Variants in KIFAP3 observed in about 807,000 individuals in gnomAD.
The protein encoded by KIFAP3 is kinesin associated protein 3, also known as kinesin-associated protein 3.
In KIFAP3, 68 loss-of-function variants were observed where a neutral mutation model predicts 106.5. The ratio of observed to expected loss-of-function variants is 0.64; its 90% CI spans 0.53 to 0.78. The LOEUF is 0.78. KIFAP3 is among the 30% of genes least tolerant of loss of function. The pLI, the probability that KIFAP3 is intolerant of heterozygous loss-of-function variation, is 0.00. For synonymous variants in KIFAP3, 320 were observed against 311.5 expected (o/e 1.03, Z -0.29); for missense variants, 780 against 941.8 (o/e 0.83, Z 2.25).
At chr1:170,005,029 C>T (rs1176576425) in intron 10 of KIFAP3, among the ~76,000 whole-genome samples, 1 of 152,074 alleles carries the variant, frequency 6.6e-6, no homozygotes, top group Non-Finnish European at 1.5e-5. Context: ...CAAACAACCC[C>T]ATCAAAAAGT....
chr1:169,980,831 G>A (rs1666477274), intron 15 of KIFAP3, among the ~76,000 whole-genome samples: 1 of 152,218 alleles, frequency 6.6e-6, no homozygotes, highest in African/African-American at 2.4e-5. Context: ...GCCGGGCACA[G>A]TGGCTCACGC....
intron 1 of KIFAP3, among the ~76,000 whole-genome samples, chr1:170,081,848 C>CT (rs1200058550): frequency 2.0e-5 from 3 of 151,946 alleles, no homozygotes; most frequent in Non-Finnish European, 2.9e-5. Context: ...ATGTGAGCAC[C>CT]TTTTTTTGTG....
At chr1:170,015,076 A>G (rs1668437720) in intron 10 of KIFAP3, among the ~76,000 whole-genome samples, 1 of 152,332 alleles carries the variant, frequency 6.6e-6, no homozygotes, top group African/African-American at 2.4e-5. Context: ...TACATTGGAT[A>G]TTATGTCTTA....
At chr1:169,940,341 T>C (rs1664041096) in intron 19 of KIFAP3, among the ~76,000 whole-genome samples, 1 of 152,180 alleles carries the variant, frequency 6.6e-6, no homozygotes. Context: ...TCACTAAATA[T>C]ATTTCAATAA....
chr1:169,932,638 T>C (rs1368515268), intron 19 of KIFAP3, among the ~76,000 whole-genome samples: 2 of 151,360 alleles, frequency 1.3e-5, no homozygotes, highest in Admixed American at 6.6e-5. Flanking sequence ...CCCACGGACA[T>C]AATACTAGTC....
chr1:170,063,601 A>G (rs1671290404), intron 1 of KIFAP3, among the ~76,000 whole-genome samples: 2 of 152,144 alleles, frequency 1.3e-5, no homozygotes, highest in Admixed American at 6.5e-5. Context: ...CTACTGCAAT[A>G]CCGCTGTCAC....
chr1:169,972,652 T>C, intron 16 of KIFAP3, 54 bp from the exon 17 acceptor site: 1 of 814,834 alleles, frequency 1.2e-6, no homozygotes, highest in Non-Finnish European at 2.0e-6. Context: ...GGCTAGTCAA[T>C]AATACTACAA....
chr1:169,965,327 A>G (rs1469548723), intron 17 of KIFAP3, among the ~76,000 whole-genome samples: 1 of 152,060 alleles, frequency 6.6e-6, no homozygotes, highest in Non-Finnish European at 1.5e-5. Context: ...AAGAAAAATC[A>G]TACGATCTGA....
Position 170,031,974 on chromosome 1 carries a change from G to A in KIFAP3, c.753C>T (p.Asp251=). 1.2e-6 allele frequency: 2 copies of A among 1,604,136 alleles called. No homozygotes were observed. Among genetic ancestry groups the A allele is most frequent in the Non-Finnish European group, 1.7e-6 (2 of 1,172,666 alleles). ...CCTTTCTCAAGGTTTGGTTTTCAGG[G>A]TCTTCATCAAGTAAACAACTTGTTA... The part of the protein sequence containing the change: ...LSKKKKAVDE[D]PENQTLRKDY... The change falls in exon 8 of 20, where the codon GAC becomes GAT. Residue 251 remains aspartate, a synonymous_variant. Transcript: ENST00000361580.
chr1:169,989,411 G>C (rs1666992467), intron 11 of KIFAP3, among the ~76,000 whole-genome samples: 1 of 151,780 alleles, frequency 6.6e-6, no homozygotes, highest in East Asian at 1.9e-4. Flanking sequence ...TTATGTTTTT[G>C]GCTGCTTTCC....
At chr1:170,083,685 C>T (rs149269871) in intron 1 of KIFAP3, among the ~76,000 whole-genome samples, 2,349 of 152,186 alleles carry the variant, frequency 0.015, 21 homozygotes, top group Middle Eastern at 0.082. Flanking sequence ...TTATTACCTA[C>T]CTACCATTTA....
In KIFAP3 at chr1:169,978,119, G is replaced by A. The variant is rs1666325940; in HGVS notation, c.1863C>T (p.His621=). 6.2e-7 allele frequency: 1 copy of A among 1,612,008 alleles called. No homozygotes were observed. The highest frequency in any genetic ancestry group is 8.5e-7 in the Non-Finnish European group (1 of 1,178,580). The change falls in exon 16 of 20, where the codon CAC becomes CAT. Residue 621 remains histidine (H), a synonymous_variant. Transcript: ENST00000361580. ...IIYVFYQMVF[H]QATRDVIIKE... ...TGATTATGACGTCTCTTGTGGCTTG[G>A]TGGAAAACCATCTGGTAGAAGACAT... is the stretch of plus-strand genomic sequence containing the variant.
intron 19 of KIFAP3, among the ~76,000 whole-genome samples, chr1:169,947,270 G>C (rs999730053): frequency 6.6e-6 from 1 of 151,832 alleles, no homozygotes; most frequent in Non-Finnish European, 1.5e-5. Flanking sequence ...ACAAAAATTT[G>C]CACAGATCTG....
intron 3 of KIFAP3, 87 bp downstream of exon 3, chr1:170,046,625 T>G: frequency 9.0e-7 from 1 of 1,105,888 alleles, no homozygotes; most frequent in Admixed American, 2.9e-5. Flanking sequence ...ATCAATAGTT[T>G]GATAAACTTT....
At chr1:170,073,505 C>CT (rs2102182267) in intron 1 of KIFAP3, among the ~76,000 whole-genome samples, 1 of 152,306 alleles carries the variant, frequency 6.6e-6, no homozygotes, top group South Asian at 2.1e-4. Flanking sequence ...ATACCACCAC[C>CT]TTACATTCAT....
intron 2 of KIFAP3, among the ~76,000 whole-genome samples, chr1:170,052,011 A>C (rs1002518636): frequency 6.6e-6 from 1 of 152,168 alleles, no homozygotes; most frequent in African/African-American, 2.4e-5. Context: ...GAAATGAAGG[A>C]GATAAAGACA....
chr1:169,944,988 G>A (rs1445449511), intron 19 of KIFAP3, among the ~76,000 whole-genome samples: 2 of 152,104 alleles, frequency 1.3e-5, no homozygotes, highest in African/African-American at 4.8e-5. Flanking sequence ...GTTTCACTGG[G>A]GATTCACTCC....
chr1:169,973,118 T>TATATATATATATAG (rs1666015071), intron 16 of KIFAP3, among the ~76,000 whole-genome samples: 1 of 140,602 alleles, frequency 7.1e-6, no homozygotes, highest in East Asian at 2.1e-4. Context: ...TATATATATA[T>TATATATATATATAG]ATATAAACAA....
chr1:169,989,637 T>C (rs520990), intron 11 of KIFAP3, among the ~76,000 whole-genome samples: 141,230 of 152,078 alleles, frequency 0.93, 65,624 homozygotes, highest in East Asian at 1. Context: ...ACATGCATTA[T>C]CTCTATAAGA....
Sources: allele counts gnomAD v4.1 joint callset (sites outside exome capture counted in the v4.1 genomes callset), GRCh38; gene constraint gnomAD v4.1.1; transcripts MANE v1.5; gene names NCBI Gene and HGNC (gene_info 2026-07-23, HGNC 2026-07-21).